CNTN5: variants seen among roughly 807,000 people sequenced by gnomAD.
CNTN5 encodes the protein contactin-5.
In CNTN5, 77 loss-of-function variants were observed where a neutral mutation model predicts 129.1. The observed-to-expected ratio is 0.60, with a 90% confidence interval of 0.50 to 0.72. The LOEUF (loss-of-function observed/expected upper bound fraction) is 0.72. CNTN5 is among the 30% of genes least tolerant of loss of function. The pLI, the probability that CNTN5 is intolerant of heterozygous loss-of-function variation, is 0.00. For missense variants in CNTN5, 1,478 were observed against 1,328.8 expected (o/e 1.11, Z -1.75); for synonymous variants, 509 against 465.6 (o/e 1.09, Z -1.20).
intron 3 of CNTN5, among the ~76,000 whole-genome samples, chr11:99,703,990 G>A (rs1555081416): frequency 6.6e-6 from 1 of 151,004 alleles, no homozygotes; most frequent in Non-Finnish European, 1.5e-5. Context: ...ATAGGACATT[G>A]TAGTGAACTG....
At chr11:99,174,747 A>G (rs1178427567) in intron 1 of CNTN5, among the ~76,000 whole-genome samples, 3 of 151,986 alleles carry the variant, frequency 2.0e-5, no homozygotes. Context: ...CATTCTAGTT[A>G]TTAAATTGGT....
intron 6 of CNTN5, among the ~76,000 whole-genome samples, chr11:99,867,836 T>C (rs1057428187): frequency 3.3e-5 from 5 of 152,200 alleles, no homozygotes; most frequent in African/African-American, 1.2e-4. Context: ...CAACGTTGAA[T>C]TGTTTTGCCT....
intron 9 of CNTN5, among the ~76,000 whole-genome samples, chr11:100,012,800 G>C (rs954913443): frequency 3.3e-5 from 5 of 152,148 alleles, no homozygotes; most frequent in Non-Finnish European, 5.9e-5. Context: ...AATCTTAATA[G>C]GCAAGACAAG....
At chr11:99,845,046 A>T in intron 5 of CNTN5, 41 bp from the exon 6 acceptor site, 1 of 1,610,374 alleles carries the variant, frequency 6.2e-7, no homozygotes, top group Non-Finnish European at 8.5e-7. Context: ...TGACACTCTC[A>T]GGGAGGATTA....
Position 100,007,060 on chromosome 11 carries a change from T to C in CNTN5, c.980+4924T>C, listed in dbSNP as rs141901502. ...ATTTCTCTTCGCTAATGAGATGCAT[T>C]GTCAATGGACAGTATTATTTTGAAA... On this transcript the variant is annotated intron_variant, in intron 9 of 24. Transcript: ENST00000524871. Among the ~76,000 whole-genome samples the C allele has an allele frequency of 2.4e-3, 365 of 152,232 alleles. 1 individual carries two copies. Among genetic ancestry groups the C allele is most frequent in the African/African-American group, 8.4e-3 (350 of 41,562 alleles).
chr11:99,630,446 A>G (rs1304778882), intron 3 of CNTN5, among the ~76,000 whole-genome samples: 1 of 151,916 alleles, frequency 6.6e-6, no homozygotes, highest in African/African-American at 2.4e-5. Context: ...TAATTTTCTG[A>G]CCATGGATTC....
At chr11:99,836,676 T>A (rs182708633) in intron 4 of CNTN5, among the ~76,000 whole-genome samples, 1 of 152,108 alleles carries the variant, frequency 6.6e-6, no homozygotes, top group Admixed American at 6.5e-5. Context: ...GATGGCTGGG[T>A]CAAATGGTAT....
In CNTN5 at chr11:99,997,964, C is replaced by T. The variant is rs1315710756; in HGVS notation, c.878-4070C>T. 2.0e-5 allele frequency among the ~76,000 whole-genome samples: 3 copies of T among 152,124 alleles called. No homozygotes were observed. In the South Asian group the frequency reaches 6.2e-4, roughly 31 times the overall value. On this transcript the variant is annotated intron_variant, in intron 8 of 24. Coordinates refer to ENST00000524871, the MANE Select transcript of CNTN5 (RefSeq NM_014361.4). ...TTGACAAAATTCAACAATCTTCATG[C>T]TAAAAACTCTCAATAAATTAGGGAT...
intron 13 of CNTN5, among the ~76,000 whole-genome samples, chr11:100,154,550 G>A (rs535669512): frequency 6.6e-6 from 1 of 152,152 alleles, no homozygotes; most frequent in African/African-American, 2.4e-5. Context: ...TAGTGGGATT[G>A]CTGGGTCAAA....
chr11:99,821,078 A>T (rs1225807972), intron 4 of CNTN5, among the ~76,000 whole-genome samples: 1 of 152,182 alleles, frequency 6.6e-6, no homozygotes. Flanking sequence ...TTAACTTTCT[A>T]TTACCTTAAG....
At chr11:100,042,671 C>T (rs1237517744) in intron 9 of CNTN5, among the ~76,000 whole-genome samples, 1 of 152,182 alleles carries the variant, frequency 6.6e-6, no homozygotes, top group Non-Finnish European at 1.5e-5. Context: ...CAAAGTTCAT[C>T]CAACACTTTC....
chr11:99,818,262 CT>C (rs71463595), intron 3 of CNTN5, among the ~76,000 whole-genome samples: 216 of 147,140 alleles, frequency 1.5e-3, no homozygotes, highest in Middle Eastern at 3.5e-3. Flanking sequence ...ACAAAACTAC[CT>C]TTTTTTTTTT....
At chr11:99,999,432 A>G (rs984893915) in intron 8 of CNTN5, among the ~76,000 whole-genome samples, 4 of 152,360 alleles carry the variant, frequency 2.6e-5, no homozygotes, top group African/African-American at 9.6e-5. Context: ...GCCATCAGAG[A>G]AATGCAAATC....
At chr11:99,271,153 A>G (rs1164577589) in intron 1 of CNTN5, among the ~76,000 whole-genome samples, 1 of 151,970 alleles carries the variant, frequency 6.6e-6, no homozygotes, top group Non-Finnish European at 1.5e-5. Context: ...TTGATATAAA[A>G]TTAATTTGCA....
At chr11:100,261,003 A>C (rs1194870509) in intron 17 of CNTN5, among the ~76,000 whole-genome samples, 2 of 152,124 alleles carry the variant, frequency 1.3e-5, no homozygotes, top group Non-Finnish European at 2.9e-5. Flanking sequence ...AGGAAGTAAA[A>C]TTGTCTCTGT....
At chr11:99,710,227 A>G (rs1954916966) in intron 3 of CNTN5, among the ~76,000 whole-genome samples, 1 of 151,688 alleles carries the variant, frequency 6.6e-6, no homozygotes, top group South Asian at 2.1e-4. Context: ...ATTTATCATC[A>G]CTGCCCAGCA....
intron 3 of CNTN5, among the ~76,000 whole-genome samples, chr11:99,695,951 A>G (rs1362983751): frequency 1.3e-5 from 2 of 151,188 alleles, no homozygotes; most frequent in Non-Finnish European, 1.5e-5. Context: ...AAGTTTTAAA[A>G]TAATACTTGT....
intron 13 of CNTN5, among the ~76,000 whole-genome samples, chr11:100,122,890 C>A (rs4754671): frequency 0.8 from 121,086 of 152,030 alleles, 49,028 homozygotes; most frequent in East Asian, 1. Context: ...GGATTCTAGG[C>A]AATGAGGATG....
intron 10 of CNTN5, among the ~76,000 whole-genome samples, chr11:100,061,638 G>A (rs573314547): frequency 1.3e-5 from 2 of 152,280 alleles, no homozygotes; most frequent in Admixed American, 6.5e-5. Context: ...CCTTAAAAAT[G>A]AGCTATTTCC....
Sources: allele counts gnomAD v4.1 joint callset (sites outside exome capture counted in the v4.1 genomes callset), GRCh38; gene constraint gnomAD v4.1.1; transcripts MANE v1.5; gene names NCBI Gene and HGNC (gene_info 2026-07-23, HGNC 2026-07-21).